Variants in C12orf75 observed in about 807,000 individuals in gnomAD.
The protein encoded by C12orf75 is overexpressed in colon carcinoma 1 protein.
A neutral mutation model predicts 11.4 loss-of-function variants in C12orf75; 4 were observed. The observed-to-expected ratio is 0.35, with a 90% CI of 0.17 to 0.80. The LOEUF (loss-of-function observed/expected upper bound fraction) is 0.80. Ranked by LOEUF, C12orf75 falls within the 30% of genes least tolerant of loss-of-function variation. The pLI is 0.52. For missense variants in C12orf75, 89 were observed against 80.4 expected (o/e 1.11, Z -0.41); for synonymous variants, 30 against 30.0 (o/e 1.00, Z 0.00).
intron 1 of C12orf75, among the ~76,000 whole-genome samples, chr12:105,345,367 G>T (rs567280600): frequency 6.6e-6 from 1 of 152,044 alleles, no homozygotes; most frequent in South Asian, 2.1e-4. Context: ...GTGCACGCCT[G>T]TAATCCCAGC....
chr12:105,356,151 T>C (rs1892778267), intron 2 of C12orf75, among the ~76,000 whole-genome samples: 1 of 152,156 alleles, frequency 6.6e-6, no homozygotes, highest in Non-Finnish European at 1.5e-5. Context: ...TAATTAAGGG[T>C]TTGCTAGAAT....
intron 1 of C12orf75, among the ~76,000 whole-genome samples, chr12:105,348,374 C>T (rs1892665264): frequency 6.8e-6 from 1 of 147,002 alleles, no homozygotes; most frequent in South Asian, 2.1e-4. Context: ...GAGATTGCAT[C>T]ACTGCACTCC....
At chr12:105,365,103 C>G (rs528852536) in intron 2 of C12orf75, among the ~76,000 whole-genome samples, 4 of 152,096 alleles carry the variant, frequency 2.6e-5, no homozygotes, top group Non-Finnish European at 5.9e-5. Flanking sequence ...TCCCAAAGTG[C>G]TGGTATTACA....
intron 1 of C12orf75, among the ~76,000 whole-genome samples, chr12:105,337,235 A>C (rs535506981): frequency 1.3e-5 from 2 of 152,118 alleles, no homozygotes; most frequent in East Asian, 3.9e-4. Context: ...GAAGTGGGAG[A>C]ATTGCTTGAA....
intron 2 of C12orf75, 40 bp from the exon 3 acceptor site, chr12:105,365,767 G>A (rs1384071672): frequency 1.4e-6 from 2 of 1,468,932 alleles, no homozygotes; most frequent in Non-Finnish European, 1.9e-6. Context: ...CCCCGACTAT[G>A]TAACCAAGTG....
chr12:105,333,444 T>C (rs1892461504), intron 1 of C12orf75, among the ~76,000 whole-genome samples: 3 of 152,208 alleles, frequency 2.0e-5, no homozygotes, highest in Admixed American at 2.0e-4. Flanking sequence ...AGATATTGTC[T>C]TTCTCTTCTA....
chr12:105,348,367 A>G (rs1275937751), intron 1 of C12orf75, among the ~76,000 whole-genome samples: 1 of 149,622 alleles, frequency 6.7e-6, no homozygotes, highest in Admixed American at 6.7e-5. Context: ...GTGAGCCGAG[A>G]TTGCATCACT....
At chr12:105,340,863 G>T (rs1255090409) in intron 1 of C12orf75, among the ~76,000 whole-genome samples, 1 of 152,194 alleles carries the variant, frequency 6.6e-6, no homozygotes, top group Non-Finnish European at 1.5e-5. Context: ...GAAAATGGAG[G>T]TGGAGCAGAG....
intron 2 of C12orf75, among the ~76,000 whole-genome samples, chr12:105,358,013 T>A (rs1892810149): frequency 6.6e-6 from 1 of 152,036 alleles, no homozygotes; most frequent in African/African-American, 2.4e-5. Flanking sequence ...CTTGGCTATT[T>A]TATTTTGTAT....
chr12:105,333,518 CT>C (rs1892462734), intron 1 of C12orf75, among the ~76,000 whole-genome samples: 1 of 151,814 alleles, frequency 6.6e-6, no homozygotes, highest in Non-Finnish European at 1.5e-5. Flanking sequence ...GCCATACAAA[CT>C]TTTCAGAAAA....
intron 1 of C12orf75, among the ~76,000 whole-genome samples, chr12:105,339,729 G>T (rs576865933): frequency 6.6e-6 from 1 of 151,592 alleles, no homozygotes; most frequent in African/African-American, 2.4e-5. Flanking sequence ...CCTTTTTCCC[G>T]CCTCAGCCTC....
At position 105,351,282 on chromosome 12, in the gene C12orf75, A is replaced by C. The variant is rs533977658; in HGVS notation, c.71+2656A>C. On this transcript the variant is annotated intron_variant, in intron 2 of 5. Transcript: ENST00000443585. ...ATTCCCAAACCAGAAGGATTGGCCA[A>C]AATAGTAGAATAAGTACTGAGAGTA... 7.9e-5 allele frequency among the ~76,000 whole-genome samples: 12 copies of C among 152,300 alleles called. No individual in the cohort carries two copies. The East Asian group carries it at 2.1e-3, about 27-fold the overall frequency.
At chr12:105,366,201 G>A (rs1871469165) in intron 3 of C12orf75, 1 of 310,960 alleles carries the variant, frequency 3.2e-6, no homozygotes, top group South Asian at 6.2e-5. Context: ...TGCTGTCTCT[G>A]CCCTCATTTT....
At chr12:105,342,274 G>C (rs1200266440) in intron 1 of C12orf75, among the ~76,000 whole-genome samples, 1 of 152,144 alleles carries the variant, frequency 6.6e-6, no homozygotes, top group Non-Finnish European at 1.5e-5. Flanking sequence ...AAATAAACTG[G>C]GGGACGAATG....
chr12:105,337,919 A>G (rs983509796), intron 1 of C12orf75, among the ~76,000 whole-genome samples: 15 of 152,194 alleles, frequency 9.9e-5, no homozygotes, highest in African/African-American at 3.1e-4. Flanking sequence ...AAGTGTAACT[A>G]TAAACTAAAT....
chr12:105,354,560 C>T (rs1290073565), intron 2 of C12orf75, among the ~76,000 whole-genome samples: 1 of 152,070 alleles, frequency 6.6e-6, no homozygotes, highest in African/African-American at 2.4e-5. Context: ...ATGCTTGTTG[C>T]CCCCGGTGAA....
At position 105,337,020 on chromosome 12, in the gene C12orf75, T is replaced by G. The variant is rs1224208950; in HGVS notation, c.46+6083T>G. ...AGCCTGGTAGGTTCTTTTTGCCCAC[T>G]GCCCCAAACAAAACCAGCACGGGCC... On this transcript the variant is annotated intron_variant, in intron 1 of 5. Transcript: ENST00000443585. Among the ~76,000 whole-genome samples, 5 of 152,272 alleles carry G rather than the reference T, an allele frequency of 3.3e-5. No homozygotes were observed. In the South Asian group the frequency reaches 8.3e-4, roughly 25 times the overall value.
chr12:105,362,844 A>G (rs1429713349), intron 2 of C12orf75, among the ~76,000 whole-genome samples: 2 of 152,150 alleles, frequency 1.3e-5, no homozygotes, highest in East Asian at 3.8e-4. Context: ...CAGTTTTTTC[A>G]TTTTTAAAAT....
At position 105,340,374 on chromosome 12, in the gene C12orf75, G is replaced by A. The variant is rs909401182; in HGVS notation, c.47-8228G>A. ...TGGGAGGCGGAGGTTGCAGTGAGCC[G>A]AGATCGTGCCACTGCAATCCAGCCT... On this transcript the variant is annotated intron_variant, in intron 1 of 5. Coordinates refer to ENST00000443585, the MANE Select transcript of C12orf75 (RefSeq NM_001145199.2). 4.0e-5 allele frequency among the ~76,000 whole-genome samples: 6 copies of A among 148,400 alleles called. No homozygotes were observed. In the South Asian group the frequency reaches 8.5e-4, roughly 21 times the overall value.
Sources: allele counts gnomAD v4.1 joint callset (sites outside exome capture counted in the v4.1 genomes callset), GRCh38; gene constraint gnomAD v4.1.1; transcripts MANE v1.5; gene names NCBI Gene and HGNC (gene_info 2026-07-23, HGNC 2026-07-21).